Variants in KCNQ3 observed in about 807,000 individuals in gnomAD.
KCNQ3 encodes the protein potassium voltage-gated channel subfamily Q member 3.
A neutral mutation model predicts 92.5 loss-of-function variants in KCNQ3; 30 were observed. The observed-to-expected ratio is 0.32, with a 90% CI of 0.24 to 0.44. KCNQ3 has a LOEUF of 0.44. Among genes scored for constraint, KCNQ3 ranks in the 20% least tolerant of loss-of-function variants. The pLI is 1.00. For missense variants in KCNQ3, 913 were observed against 1,140.3 expected (o/e 0.80, Z 2.87); for synonymous variants, 450 against 468.8 (o/e 0.96, Z 0.52).
intron 4 of KCNQ3, among the ~76,000 whole-genome samples, chr8:132,179,916 T>A (rs911934536): frequency 6.6e-6 from 1 of 152,218 alleles, no homozygotes; most frequent in Non-Finnish European, 1.5e-5. Context: ...GTCATTTGCA[T>A]ATGGTGGAGC....
intron 1 of KCNQ3, among the ~76,000 whole-genome samples, chr8:132,215,001 A>G (rs1563808181): frequency 6.6e-6 from 1 of 152,216 alleles, no homozygotes; most frequent in East Asian, 1.9e-4. Context: ...ACATGTGATC[A>G]CTTCCAAATG....
intron 1 of KCNQ3, among the ~76,000 whole-genome samples, chr8:132,310,981 G>A (rs528794664): frequency 6.7e-6 from 1 of 148,692 alleles, no homozygotes; most frequent in African/African-American, 2.5e-5. Context: ...TAGCTCTGTC[G>A]CCAGGCTGGA....
intron 1 of KCNQ3, among the ~76,000 whole-genome samples, chr8:132,395,692 A>G (rs1203315495): frequency 6.6e-6 from 1 of 152,214 alleles, no homozygotes; most frequent in African/African-American, 2.4e-5. Context: ...AGCTTCTACA[A>G]TGATATGCCT....
chr8:132,385,632 C>T (rs563446191), intron 1 of KCNQ3, among the ~76,000 whole-genome samples: 1 of 152,290 alleles, frequency 6.6e-6, no homozygotes, highest in East Asian at 1.9e-4. Flanking sequence ...TCCTCTCTTC[C>T]TTCCACCATG....
chr8:132,276,739 G>A (rs1816344353), intron 1 of KCNQ3, among the ~76,000 whole-genome samples: 1 of 152,154 alleles, frequency 6.6e-6, no homozygotes, highest in Admixed American at 6.5e-5. Flanking sequence ...AAGAGTATGT[G>A]CCTCAGGAAG....
intron 1 of KCNQ3, among the ~76,000 whole-genome samples, chr8:132,303,359 A>T (rs1221958142): frequency 6.6e-6 from 1 of 151,472 alleles, no homozygotes; most frequent in Admixed American, 6.6e-5. Context: ...AACTAAATGA[A>T]TCACTACAAC....
At chr8:132,274,229 A>G (rs1320082468) in intron 1 of KCNQ3, among the ~76,000 whole-genome samples, 1 of 152,192 alleles carries the variant, frequency 6.6e-6, no homozygotes, top group Non-Finnish European at 1.5e-5. Flanking sequence ...ATCATGGTGG[A>G]AGGCAAGGAG....
intron 1 of KCNQ3, among the ~76,000 whole-genome samples, chr8:132,476,489 T>G (rs2130870959): frequency 6.6e-6 from 1 of 152,344 alleles, no homozygotes; most frequent in South Asian, 2.1e-4. Context: ...AGCCTTGCAT[T>G]AGGGTGGCCT....
chr8:132,200,156 A>T (rs994056821), intron 1 of KCNQ3, among the ~76,000 whole-genome samples: 10 of 152,164 alleles, frequency 6.6e-5, no homozygotes, highest in Non-Finnish European at 8.8e-5. Flanking sequence ...CTATTTCTAG[A>T]TCCATATATA....
chr8:132,280,179 A>C (rs922288299), intron 1 of KCNQ3, among the ~76,000 whole-genome samples: 1 of 152,212 alleles, frequency 6.6e-6, no homozygotes, highest in Non-Finnish European at 1.5e-5. Flanking sequence ...TCAATAAAGA[A>C]GATGTCCCAG....
chr8:132,323,409 C>T (rs567427055), intron 1 of KCNQ3, among the ~76,000 whole-genome samples: 5 of 152,350 alleles, frequency 3.3e-5, no homozygotes, highest in Admixed American at 6.5e-5. Flanking sequence ...CATGCCACAA[C>T]GGCAGCACTG....
intron 1 of KCNQ3, among the ~76,000 whole-genome samples, chr8:132,348,654 G>A (rs1005737740): frequency 2.6e-5 from 4 of 152,174 alleles, no homozygotes; most frequent in African/African-American, 9.6e-5. Context: ...GAGGCTGGCG[G>A]ATCCACCTTC....
intron 7 of KCNQ3, 89 bp from the exon 8 acceptor site, chr8:132,170,517 C>T: frequency 1.2e-6 from 1 of 829,820 alleles, no homozygotes; most frequent in Non-Finnish European, 2.1e-6. Context: ...ATGTTTAAGC[C>T]CTGGACTCCT....
intron 1 of KCNQ3, among the ~76,000 whole-genome samples, chr8:132,353,704 C>T (rs1818939765): frequency 6.6e-6 from 1 of 152,080 alleles, no homozygotes; most frequent in Admixed American, 6.5e-5. Flanking sequence ...ATCTCAGCTA[C>T]TCAGGAGGCT....
chr8:132,352,445 T>C (rs1233844258), intron 1 of KCNQ3, among the ~76,000 whole-genome samples: 7 of 152,196 alleles, frequency 4.6e-5, no homozygotes, highest in Non-Finnish European at 1.5e-5. Context: ...ATGTCAACAA[T>C]GCTAATGCTG....
intron 9 of KCNQ3, among the ~76,000 whole-genome samples, chr8:132,155,582 G>T (rs1002527873): frequency 2.6e-5 from 4 of 152,210 alleles, no homozygotes; most frequent in African/African-American, 9.6e-5. Flanking sequence ...TGAGGAAACT[G>T]AAGCACAGTG....
intron 1 of KCNQ3, among the ~76,000 whole-genome samples, chr8:132,308,350 G>A (rs1468950128): frequency 2.6e-5 from 4 of 152,144 alleles, no homozygotes; most frequent in Non-Finnish European, 5.9e-5. Context: ...AGAATCTACA[G>A]TGACAAGTAC....
intron 1 of KCNQ3, among the ~76,000 whole-genome samples, chr8:132,273,888 C>T (rs1019327751): frequency 6.6e-6 from 1 of 152,180 alleles, no homozygotes; most frequent in African/African-American, 2.4e-5. Flanking sequence ...TCCTCATCTC[C>T]ATCTGAGACC....
chr8:132,153,859 T>C (rs6471044), intron 9 of KCNQ3, among the ~76,000 whole-genome samples: 81,230 of 151,816 alleles, frequency 0.54, 22,056 homozygotes, highest in African/African-American at 0.6. Context: ...TTCCCTCCCT[T>C]ATGTACCCTA....
Sources: gnomAD v4.1 joint callset for allele counts (sites outside exome capture counted in the v4.1 genomes callset) on GRCh38, gnomAD v4.1.1 for gene constraint, MANE v1.5 for transcripts, NCBI Gene and HGNC (gene_info 2026-07-23, HGNC 2026-07-21) for gene names.